Variants in NDE1 observed in about 807,000 individuals in gnomAD.
NDE1 encodes nudE neurodevelopment protein 1.
NDE1 carries 28 observed loss-of-function variants against 43.4 expected under a neutral mutation model. The ratio of observed to expected loss-of-function variants is 0.65; its 90% CI spans 0.48 to 0.89. NDE1 has a LOEUF of 0.89. Ranked by LOEUF, NDE1 falls within the 40% of genes least tolerant of loss-of-function variation. The pLI, the probability that NDE1 is intolerant of heterozygous loss-of-function variation, is 0.00. For missense variants in NDE1, 441 were observed against 434.1 expected (o/e 1.02, Z -0.14); for synonymous variants, 184 against 172.0 (o/e 1.07, Z -0.55).
intron 3 of NDE1, among the ~76,000 whole-genome samples, chr16:15,671,694 T>C (rs772159421): frequency 1.3e-5 from 2 of 151,992 alleles, no homozygotes; most frequent in Non-Finnish European, 2.9e-5. Flanking sequence ...TTTGTTGTTG[T>C]TGTTTTTGCT....
chr16:15,707,933 T>C (rs2039547546), intron 8 of NDE1, among the ~76,000 whole-genome samples: 2 of 142,372 alleles, frequency 1.4e-5, no homozygotes, highest in Non-Finnish European at 3.0e-5. Context: ...GATTGCGCCA[T>C]TGCACTCCAG....
At chr16:15,712,801 C>CTGGCCAT (rs111886828) in intron 8 of NDE1, 42,478 of 149,638 alleles carry the variant, frequency 0.28, 6,770 homozygotes, top group East Asian at 0.47. Flanking sequence ...CAGGGGACCT[C>CTGGCCAT]TGGCCATTAG....
chr16:15,708,859 T>A, intron 8 of NDE1: 1 of 1,608,100 alleles, frequency 6.2e-7, no homozygotes, highest in Non-Finnish European at 8.5e-7. Flanking sequence ...AGAGAGAGAA[T>A]CCCCGGAGGT....
intron 4 of NDE1, among the ~76,000 whole-genome samples, chr16:15,680,017 G>T (rs1335811614): frequency 6.6e-6 from 1 of 152,168 alleles, no homozygotes; most frequent in Non-Finnish European, 1.5e-5. Flanking sequence ...GACCTGAGGT[G>T]ATCTGCCTGC....
chr16:15,698,390 C>A (rs2151147616), intron 8 of NDE1, among the ~76,000 whole-genome samples: 1 of 152,098 alleles, frequency 6.6e-6, no homozygotes, highest in Middle Eastern at 3.4e-3. Context: ...GAAGCGAGAC[C>A]TTGTCTCAGA....
At chr16:15,673,295 C>T (rs567370170) in intron 3 of NDE1, among the ~76,000 whole-genome samples, 42 of 152,088 alleles carry the variant, frequency 2.8e-4, no homozygotes, top group African/African-American at 9.6e-4. Flanking sequence ...CTGCAACCTC[C>T]GCCTCCCGGG....
intron 3 of NDE1, among the ~76,000 whole-genome samples, chr16:15,670,277 CCTT>C (rs564780302): frequency 6.6e-6 from 1 of 152,288 alleles, no homozygotes; most frequent in South Asian, 2.1e-4. Context: ...GTGCTGGTTG[CCTT>C]CTTTGGGAAG....
chr16:15,708,347 A>G (rs2039580489), intron 8 of NDE1, among the ~76,000 whole-genome samples: 1 of 152,216 alleles, frequency 6.6e-6, no homozygotes, highest in African/African-American at 2.4e-5. Context: ...CCAGCCAACT[A>G]GAAGCCAAGT....
upstream of NDE1, among the ~76,000 whole-genome samples, chr16:15,648,501 G>A (rs1378522765): frequency 6.6e-6 from 1 of 152,102 alleles, no homozygotes; most frequent in South Asian, 2.1e-4. Flanking sequence ...ATGCAGTGGC[G>A]TGATCTCCAC....
rs1362105094 is a variant in NDE1, at chr16:15,714,751, C to G, written c.948-9440C>G. 3 of 954,482 alleles carry G rather than the reference C, an allele frequency of 3.1e-6. No homozygotes were observed. In the East Asian group the frequency reaches 7.2e-5, roughly 23 times the overall value. The allele number at this position is 954,482 out of a possible 1,614,324, so 59.1% of individuals were successfully genotyped here. A position where few individuals can be genotyped will look rare whatever the true frequency, so the allele number is the denominator to read the frequency against. On this transcript the variant is annotated intron_variant, in intron 8 of 8. Transcript: ENST00000396354. ...CCGGGTCTGATCTCAGTGCCTGGCC[C>G]ACACTAAGCTTAGTGATTAAGGAGA...
Position 15,687,520 on chromosome 16 carries a change from G to C in NDE1, c.523+9G>C. 1.2e-6 allele frequency: 2 copies of C among 1,611,424 alleles called. No homozygotes were observed. Among genetic ancestry groups the C allele is most frequent in the East Asian group, 2.2e-5 (1 of 44,860 alleles). On this transcript the variant is annotated intron_variant, in intron 5 of 8. Transcript: ENST00000396354. Reference sequence around the variant, plus strand: ...GAAGGATGAAGCCAGAGGTCAGGAGGCCTTGGTGTCTTCACCAGCATGGTC... The same window carrying C: ...GAAGGATGAAGCCAGAGGTCAGGAGCCCTTGGTGTCTTCACCAGCATGGTC...
At chr16:15,647,814 T>G (rs62036922), upstream of NDE1, among the ~76,000 whole-genome samples, 1 of 151,906 alleles carries the variant, frequency 6.6e-6, no homozygotes, top group African/African-American at 2.4e-5. Context: ...GAGGATCACT[T>G]GAGCCCAGGA....
chr16:15,653,337 G>A (rs571120414), intron 1 of NDE1, among the ~76,000 whole-genome samples: 1 of 152,314 alleles, frequency 6.6e-6, no homozygotes, highest in East Asian at 1.9e-4. Context: ...AACTTGGAAA[G>A]CACAAAGACA....
chr16:15,716,554 C>G (rs1244555982), intron 8 of NDE1, among the ~76,000 whole-genome samples: 1 of 152,034 alleles, frequency 6.6e-6, no homozygotes, highest in Non-Finnish European at 1.5e-5. Flanking sequence ...AAGGGTCCCA[C>G]TGTGTCACCC....
chr16:15,666,568 C>T (rs2037318912), intron 2 of NDE1, among the ~76,000 whole-genome samples: 4 of 152,116 alleles, frequency 2.6e-5, no homozygotes, highest in African/African-American at 9.7e-5. Flanking sequence ...ATGATCACAC[C>T]TCTGCATTCC....
intron 8 of NDE1, chr16:15,697,091 TA>T: frequency 2.0e-6 from 2 of 977,388 alleles, no homozygotes; most frequent in South Asian, 9.5e-5. Flanking sequence ...CTCTGTCACC[TA>T]GGCTAGAATA....
intron 1 of NDE1, among the ~76,000 whole-genome samples, chr16:15,658,582 A>G (rs887772881): frequency 6.6e-6 from 1 of 152,244 alleles, no homozygotes; most frequent in Non-Finnish European, 1.5e-5. Flanking sequence ...GTCACAGAAG[A>G]TGGAAAAATG....
chr16:15,661,188 A>G (rs8047678), intron 1 of NDE1, among the ~76,000 whole-genome samples: 107,328 of 148,426 alleles, frequency 0.72, 39,566 homozygotes, highest in African/African-American at 0.89. Flanking sequence ...TCGCTCTGTC[A>G]CCCAGGCTGG....
chr16:15,698,902 C>T (rs564284753), intron 8 of NDE1, among the ~76,000 whole-genome samples: 23 of 151,970 alleles, frequency 1.5e-4, no homozygotes, highest in Non-Finnish European at 2.9e-4. Context: ...TTTCTTTCTA[C>T]GAGACAGGGT....
Sources: allele counts gnomAD v4.1 joint callset (sites outside exome capture counted in the v4.1 genomes callset), GRCh38; gene constraint gnomAD v4.1.1; transcripts MANE v1.5; gene names NCBI Gene and HGNC (gene_info 2026-07-23, HGNC 2026-07-21).